SYCP2L: variants seen among roughly 807,000 people sequenced by gnomAD.
SYCP2L encodes the protein synaptonemal complex protein 2-like.
Under a neutral mutation model 125.8 loss-of-function variants are expected in SYCP2L, and 98 were observed. That is an observed-to-expected ratio of 0.78 (90% CI 0.66 to 0.92). SYCP2L has a LOEUF of 0.92. Among genes scored for constraint, SYCP2L ranks in the 40% least tolerant of loss-of-function variants. The pLI is 0.00. For synonymous variants in SYCP2L, 317 were observed against 325.4 expected, an observed-to-expected ratio of 0.97 and a Z score of 0.28; for missense variants, 842 against 936.4, an observed-to-expected ratio of 0.90 and a Z score of 1.32.
chr6:10,973,215 C>A (rs1781804988), intron 29 of SYCP2L, among the ~76,000 whole-genome samples: 1 of 152,130 alleles, frequency 6.6e-6, no homozygotes, highest in Non-Finnish European at 1.5e-5. Flanking sequence ...CAGCTCCTAC[C>A]AACCTCTTAT....
rs938748082 is a variant in SYCP2L, at chr6:10,897,889, T to G, written c.337-122T>G. Reference sequence around the variant, plus strand: ...GCCTCAGAGCCAGGCCTCATTGAAATGGAATGGAATGGGAAAAGATCTTTA... The same window carrying G: ...GCCTCAGAGCCAGGCCTCATTGAAAGGGAATGGAATGGGAAAAGATCTTTA... On this transcript the variant is annotated intron_variant, in intron 4 of 29. Coordinates refer to ENST00000283141, the MANE Select transcript of SYCP2L (RefSeq NM_001040274.3). The G allele has an allele frequency of 8.8e-6, 6 of 684,568 alleles. No homozygotes were observed. In the African/African-American group the frequency reaches 1.1e-4, roughly 12 times the overall value. The allele number at this position is 684,568 out of a possible 1,614,324, so 42.4% of individuals were successfully genotyped here.
intron 6 of SYCP2L, among the ~76,000 whole-genome samples, chr6:10,901,648 C>T (rs1000294272): frequency 2.0e-5 from 3 of 152,214 alleles, no homozygotes; most frequent in Non-Finnish European, 4.4e-5. Flanking sequence ...GCATCCATCC[C>T]CACGTCATGA....
At chr6:10,907,748 T>C in intron 10 of SYCP2L, 64 bp downstream of exon 10, 2 of 1,553,658 alleles carry the variant, frequency 1.3e-6, no homozygotes, top group Non-Finnish European at 1.7e-6. Context: ...GCTGAGAACT[T>C]TCCTGTGCAT....
chr6:10,895,098 T>C (rs1057396096), intron 4 of SYCP2L, among the ~76,000 whole-genome samples: 10 of 152,228 alleles, frequency 6.6e-5, no homozygotes, highest in African/African-American at 2.4e-4. Context: ...AAGGACTGTG[T>C]TTATGCAAAC....
At chr6:10,924,065 A>G (rs796489694) in intron 14 of SYCP2L, among the ~76,000 whole-genome samples, 11 of 152,288 alleles carry the variant, frequency 7.2e-5, no homozygotes, top group South Asian at 4.1e-4. Flanking sequence ...CATTTTGCAC[A>G]TTGGGGACAG....
At chr6:10,896,757 T>TAGAA (rs1191063378) in intron 4 of SYCP2L, among the ~76,000 whole-genome samples, 2 of 152,162 alleles carry the variant, frequency 1.3e-5, no homozygotes, top group Admixed American at 1.3e-4. Flanking sequence ...AAACCTAAAA[T>TAGAA]AGAAAACTCA....
intron 14 of SYCP2L, among the ~76,000 whole-genome samples, chr6:10,915,435 C>A (rs1410738743): frequency 6.6e-6 from 1 of 152,098 alleles, no homozygotes; most frequent in Non-Finnish European, 1.5e-5. Flanking sequence ...CTTCCCCATT[C>A]GGTATTATGT....
intron 23 of SYCP2L, among the ~76,000 whole-genome samples, chr6:10,949,985 C>T (rs1425176972): frequency 6.6e-6 from 1 of 151,922 alleles, no homozygotes; most frequent in East Asian, 1.9e-4. Flanking sequence ...CCCCCTTTTC[C>T]TAGTTTGGAA....
intron 10 of SYCP2L, among the ~76,000 whole-genome samples, chr6:10,907,892 G>GTTTTGTTTTT (rs1780526621): frequency 1.1e-5 from 1 of 91,922 alleles, no homozygotes; most frequent in Non-Finnish European, 2.0e-5. Flanking sequence ...ATACAGATAG[G>GTTTTGTTTTT]TTTTTTTTTT....
intron 29 of SYCP2L, among the ~76,000 whole-genome samples, chr6:10,970,113 G>C (rs917770490): frequency 6.6e-6 from 1 of 152,138 alleles, no homozygotes; most frequent in East Asian, 1.9e-4. Context: ...GGATAAGAGA[G>C]AGACTCACAG....
rs1293618238 is a variant in SYCP2L, at chr6:10,942,464, C to T, written c.1819C>T (p.Gln607Ter). The T allele has an allele frequency of 1.3e-6, 2 of 1,576,192 alleles. No individual in the cohort carries two copies. Among genetic ancestry groups the T allele is most frequent in the African/African-American group, 1.4e-5 (1 of 72,808 alleles). ...AACTTCTCTCTAATGCTCAGAGCTT[C>T]AAGATCCTCACTCACTGAGTGAGCT... ...AEDSAQKTEL[Q>*]DPHSLSELSS... The change falls in exon 22 of 30, where the codon CAA becomes TAA. Residue 607 changes from glutamine to a stop codon, truncating the protein, a stop_gained. Coordinates refer to ENST00000283141, the MANE Select transcript of SYCP2L (RefSeq NM_001040274.3). LOFTEE classifies it high-confidence loss of function.
chr6:10,963,239 A>G (rs1432251374), intron 28 of SYCP2L: 1 of 153,196 alleles, frequency 6.5e-6, no homozygotes, highest in Non-Finnish European at 1.5e-5. Flanking sequence ...TTCTCTTCCA[A>G]ACACCTAAGA....
intron 23 of SYCP2L, among the ~76,000 whole-genome samples, chr6:10,949,898 C>T (rs76195769): frequency 0.027 from 4,103 of 151,950 alleles, 152 homozygotes; most frequent in East Asian, 0.2. Flanking sequence ...TGAGTTTTCT[C>T]GTCTTTGTCC....
chr6:10,953,366 CCTTA>C (rs892630240), intron 23 of SYCP2L, among the ~76,000 whole-genome samples: 11 of 152,054 alleles, frequency 7.2e-5, no homozygotes, highest in Admixed American at 3.9e-4. Context: ...AGTTTCTTTT[CCTTA>C]CTTCCTGTTC....
intron 8 of SYCP2L, among the ~76,000 whole-genome samples, chr6:10,903,336 CAGG>C (rs1245031308): frequency 6.6e-6 from 1 of 152,154 alleles, no homozygotes; most frequent in African/African-American, 2.4e-5. Flanking sequence ...ATCACGAGGT[CAGG>C]AGATCGAGAC....
intron 14 of SYCP2L, among the ~76,000 whole-genome samples, chr6:10,918,376 C>T (rs551566340): frequency 7.9e-5 from 12 of 152,008 alleles, no homozygotes; most frequent in African/African-American, 1.9e-4. Flanking sequence ...TCCAAACTTT[C>T]GTATTTCTCT....
chr6:10,935,858 G>A (rs113962355), intron 21 of SYCP2L, among the ~76,000 whole-genome samples: 1 of 152,128 alleles, frequency 6.6e-6, no homozygotes, highest in Non-Finnish European at 1.5e-5. Context: ...ATTGGCCATG[G>A]ATAAGATGTA....
At chr6:10,955,078 T>C (rs757927133) in intron 23 of SYCP2L, 38 bp from the exon 24 acceptor site, 2 of 1,454,930 alleles carry the variant, frequency 1.4e-6, no homozygotes, top group Non-Finnish European at 1.9e-6. Flanking sequence ...AACAAGATAA[T>C]TTCGGGTCAA....
At chr6:10,927,533 T>A (rs1463959976) in intron 17 of SYCP2L, among the ~76,000 whole-genome samples, 166 bp downstream of exon 17, 3 of 152,090 alleles carry the variant, frequency 2.0e-5, no homozygotes, top group Non-Finnish European at 4.4e-5. Flanking sequence ...TATTAGGGAT[T>A]TTCAAAAGGG....
Sources: gnomAD v4.1 joint callset for allele counts (sites outside exome capture counted in the v4.1 genomes callset) on GRCh38, gnomAD v4.1.1 for gene constraint, MANE v1.5 for transcripts, NCBI Gene and HGNC (gene_info 2026-07-23, HGNC 2026-07-21) for gene names.